Variants in SYT10 observed in about 807,000 individuals in gnomAD.
SYT10 encodes synaptotagmin 10.
Under a neutral mutation model 51.1 loss-of-function variants are expected in SYT10, and 31 were observed. The ratio of observed to expected loss-of-function variants is 0.61; its 90% CI spans 0.46 to 0.82. The LOEUF (loss-of-function observed/expected upper bound fraction) is 0.82. Ranked by LOEUF, SYT10 falls within the 40% of genes least tolerant of loss-of-function variation. The pLI is 0.00. For missense variants in SYT10, 603 were observed against 634.0 expected, an observed-to-expected ratio of 0.95 and a Z score of 0.53; for synonymous variants, 233 against 225.9, an observed-to-expected ratio of 1.03 and a Z score of -0.28.
Position 33,385,182 on chromosome 12 carries a change from G to A in SYT10, c.1187C>T (p.Thr396Ile), listed in dbSNP as rs1221148129. The change falls in exon 4 of 7, where the codon ACT (threonine) becomes ATT (isoleucine). Residue 396 changes from threonine to isoleucine, a missense_variant. Coordinates refer to ENST00000228567, the MANE Select transcript of SYT10 (RefSeq NM_198992.4). ...CATTGTGTACATACCTGATGAGCCA[G>A]TAATATCCATCGCCTTCAGATTTCT... ...KCRNLKAMDI[T>I]GSSDPYVKVS... 36 of 1,613,520 alleles carry A rather than the reference G, an allele frequency of 2.2e-5. No homozygotes were observed. The highest frequency in any genetic ancestry group is 3.1e-5 in the Non-Finnish European group (36 of 1,179,716).
chr12:33,422,726 CCA>C (rs1866515951), intron 2 of SYT10, among the ~76,000 whole-genome samples: 1 of 151,942 alleles, frequency 6.6e-6, no homozygotes, highest in Non-Finnish European at 1.5e-5. Flanking sequence ...ATCTGAATTT[CCA>C]GTTTCCTTCA....
Position 33,378,814 on chromosome 12 carries a change from CTGTGTGTGTG to C in SYT10, c.1500+1008_1500+1017del, listed in dbSNP as rs56373564. Among the ~76,000 whole-genome samples, 538 of 145,282 alleles carry C rather than the reference CTGTGTGTGTG, an allele frequency of 3.7e-3. 1 individual carries two copies. Among genetic ancestry groups the C allele is most frequent in the African/African-American group, 0.012 (495 of 40,238 alleles). On this transcript the variant is annotated intron_variant, in intron 6 of 6. Coordinates refer to ENST00000228567, the MANE Select transcript of SYT10 (RefSeq NM_198992.4). ...GGGAAAACACCAAGTGACTGGGTAT[CTGTGTGTGTG>C]TGTGTGTGTGTGTGTGTGTGTGTGT...
intron 1 of SYT10, among the ~76,000 whole-genome samples, chr12:33,438,953 G>A (rs1023348030): frequency 6.6e-6 from 1 of 152,354 alleles, no homozygotes; most frequent in Middle Eastern, 3.4e-3. Context: ...ACCAGCGGCC[G>A]GTGGAACGAG....
In SYT10 at chr12:33,439,797, G is replaced by T; in HGVS notation, c.-275C>A. ...CGCGCGAGCGAGCCGAGGCGCGCTG[G>T]AACTAGAGACCCGGCATGGAGTGCT... On this transcript the variant is annotated 5_prime_UTR_variant, in exon 1 of 7. Coordinates refer to ENST00000228567, the MANE Select transcript of SYT10 (RefSeq NM_198992.4). 2.2e-6 allele frequency: 1 copy of T among 465,008 alleles called. No individual in the cohort carries two copies. Among genetic ancestry groups the T allele is most frequent in the Non-Finnish European group, 3.8e-6 (1 of 260,216 alleles). 28.8% of individuals were successfully genotyped at this position (465,008 alleles called of 1,614,324 possible). A position where few individuals can be genotyped will look rare whatever the true frequency, so the allele number is the denominator to read the frequency against.
intron 2 of SYT10, among the ~76,000 whole-genome samples, chr12:33,417,335 G>T (rs1334890602): frequency 6.6e-6 from 1 of 152,054 alleles, no homozygotes; most frequent in Non-Finnish European, 1.5e-5. Flanking sequence ...TATAAGAAGA[G>T]GAAGAGAGAG....
Position 33,439,741 on chromosome 12 carries a change from G to T in SYT10, c.-219C>A. ...AGGAGAGGCGCGCGAGGAGGCTGCG[G>T]CTGCCGCGAGGTTTGCGCCAACTCT... is the stretch of plus-strand genomic sequence containing the variant. On this transcript the variant is annotated 5_prime_UTR_variant, in exon 1 of 7. Transcript: ENST00000228567. 1 of 567,990 alleles carries T rather than the reference G, an allele frequency of 1.8e-6. No individual in the cohort carries two copies. Among genetic ancestry groups the T allele is most frequent in the Non-Finnish European group, 3.0e-6 (1 of 333,580 alleles). 35.2% of individuals were successfully genotyped at this position (567,990 alleles called of 1,614,324 possible). A position where few individuals can be genotyped will look rare whatever the true frequency, so the allele number is the denominator to read the frequency against.
chr12:33,381,581 T>C (rs1328228096), intron 5 of SYT10, among the ~76,000 whole-genome samples: 4 of 152,024 alleles, frequency 2.6e-5, no homozygotes, highest in Admixed American at 1.3e-4. Flanking sequence ...AAGAAGAGGA[T>C]TGGTCAGCAA....
At chr12:33,418,620 G>A (rs1435114930) in intron 2 of SYT10, among the ~76,000 whole-genome samples, 1 of 152,046 alleles carries the variant, frequency 6.6e-6, no homozygotes, top group Non-Finnish European at 1.5e-5. Context: ...TTTCCCAGAC[G>A]CTCGGTCCAA....
chr12:33,434,068 C>T (rs1866618359), intron 1 of SYT10, among the ~76,000 whole-genome samples: 1 of 152,128 alleles, frequency 6.6e-6, no homozygotes, highest in African/African-American at 2.4e-5. Flanking sequence ...TTTCTCCTGC[C>T]ACTTTCTACT....
Position 33,426,376 on chromosome 12 carries a change from A to C in SYT10, c.271T>G (p.Ser91Ala). Residue 91 changes from serine (S) to alanine (A), a missense_variant, in exon 2 of 7, where the codon TCC becomes GCC. Ser to Ala is a moderately conservative substitution (Grantham distance 99). Transcript: ENST00000228567. ...CTCTGTGGAAGCGTAGTGATGTTGG[A>C]AGTCACAGGTTTGCTTTTCCAGCAT... ...WPCWKSKPVT[S>A]NITTLPQSIS... 1 of 1,614,164 alleles carries C rather than the reference A, an allele frequency of 6.2e-7. No homozygotes were observed. Among genetic ancestry groups the C allele is most frequent in the South Asian group, 1.1e-5 (1 of 91,088 alleles).
At chr12:33,400,031 C>A (rs772705997) in intron 3 of SYT10, among the ~76,000 whole-genome samples, 2 of 152,174 alleles carry the variant, frequency 1.3e-5, no homozygotes, top group Admixed American at 1.3e-4. Context: ...GACTGTTACA[C>A]CCCAGGAGAC....
In SYT10 at chr12:33,426,383, A is replaced by C; in HGVS notation, c.264T>G (p.Pro88=). The change falls in exon 2 of 7, where the codon CCT becomes CCG. Residue 88 remains proline (P), a synonymous_variant. Transcript: ENST00000228567. The part of the protein sequence containing the change: ...KLCWPCWKSK[P]VTSNITTLPQ... ...GAAGCGTAGTGATGTTGGAAGTCAC[A>C]GGTTTGCTTTTCCAGCATGGCCAAC... is the stretch of plus-strand genomic sequence containing the variant. 6.2e-7 allele frequency: 1 copy of C among 1,614,120 alleles called. No homozygotes were observed. The highest frequency in any genetic ancestry group is 1.1e-5 in the South Asian group (1 of 91,078).
At position 33,420,577 on chromosome 12, in the gene SYT10, A is replaced by T. The variant is rs556828272; in HGVS notation, c.509+5561T>A. On this transcript the variant is annotated intron_variant, in intron 2 of 6. Transcript: ENST00000228567. Reference sequence around the variant, plus strand: ...TGAGGCAGGAGGATTGCTTGAACCTAGGAGCTCAAGGCTGCAGAGAGGTAT... The same window carrying T: ...TGAGGCAGGAGGATTGCTTGAACCTTGGAGCTCAAGGCTGCAGAGAGGTAT... Among the ~76,000 whole-genome samples the T allele has an allele frequency of 1.8e-4, 28 of 152,168 alleles. 1 individual carries two copies. Among genetic ancestry groups the T allele is most frequent in the South Asian group, 6.2e-4 (3 of 4,816 alleles).
intron 6 of SYT10, 152 bp downstream of exon 6, chr12:33,379,680 G>T: frequency 5.4e-6 from 5 of 927,806 alleles, no homozygotes; most frequent in Non-Finnish European, 5.9e-6. Flanking sequence ...AATATTAAAT[G>T]TTAGACAATG....
chr12:33,407,693 A>C (rs1591990467), intron 2 of SYT10: 1 of 188,894 alleles, frequency 5.3e-6, no homozygotes, highest in Non-Finnish European at 1.1e-5. Context: ...GTAGCTTAAA[A>C]CTCCTGAGCT....
chr12:33,402,711 A>G (rs1203967458), intron 3 of SYT10, among the ~76,000 whole-genome samples: 4 of 152,168 alleles, frequency 2.6e-5, no homozygotes, highest in Non-Finnish European at 5.9e-5. Flanking sequence ...TAGAGAATGA[A>G]CTGTTCTAGG....
intron 4 of SYT10, among the ~76,000 whole-genome samples, chr12:33,384,341 G>GT (rs946913147): frequency 3.3e-5 from 5 of 150,780 alleles, no homozygotes; most frequent in South Asian, 4.2e-4. Context: ...GTTCTCTTAT[G>GT]TTTTTTTTTG....
chr12:33,403,753 AAAAG>A (rs775832475), intron 3 of SYT10, among the ~76,000 whole-genome samples: 4 of 152,162 alleles, frequency 2.6e-5, no homozygotes, highest in Non-Finnish European at 4.4e-5. Flanking sequence ...TGTGAATAGA[AAAAG>A]AAAGTTTCTT....
intron 2 of SYT10, among the ~76,000 whole-genome samples, chr12:33,412,693 T>C (rs1263838108): frequency 6.6e-6 from 1 of 152,024 alleles, no homozygotes; most frequent in African/African-American, 2.4e-5. Context: ...TACGTCACCA[T>C]CATCAAAGAC....
Sources: gnomAD v4.1 joint callset for allele counts (sites outside exome capture counted in the v4.1 genomes callset) on GRCh38, gnomAD v4.1.1 for gene constraint, MANE v1.5 for transcripts, NCBI Gene and HGNC (gene_info 2026-07-23, HGNC 2026-07-21) for gene names.